GREM2: variants seen among roughly 807,000 people sequenced by gnomAD.
GREM2 encodes the protein gremlin 2, DAN family BMP antagonist.
GREM2 carries 11 observed loss-of-function variants against 14.2 expected under a neutral mutation model. The observed-to-expected ratio is 0.78, with a 90% confidence interval of 0.49 to 1.28. The LOEUF is 1.28. Among genes scored for constraint, GREM2 ranks in the 50% most tolerant of loss-of-function variants. The pLI, the probability that GREM2 is intolerant of heterozygous loss-of-function variation, is 0.00. For missense variants in GREM2, 210 were observed against 218.5 expected (o/e 0.96, Z 0.24); for synonymous variants, 98 against 97.6 (o/e 1.00, Z -0.02).
At chr1:240,551,847 C>T (rs73113757) in intron 1 of GREM2, among the ~76,000 whole-genome samples, 1 of 152,040 alleles carries the variant, frequency 6.6e-6, no homozygotes, top group African/African-American at 2.4e-5. Context: ...GAGGAGGAAC[C>T]TCAGAAAGTC....
intron 1 of GREM2, among the ~76,000 whole-genome samples, chr1:240,513,348 G>T (rs1249297425): frequency 6.6e-6 from 1 of 152,066 alleles, no homozygotes; most frequent in Non-Finnish European, 1.5e-5. Flanking sequence ...AGACCGAGGC[G>T]GGCGGATCGC....
chr1:240,534,604 A>G (rs1342360005), intron 1 of GREM2, among the ~76,000 whole-genome samples: 1 of 152,098 alleles, frequency 6.6e-6, no homozygotes, highest in African/African-American at 2.4e-5. Flanking sequence ...GAGGCAGGAG[A>G]ATCACTTGAA....
chr1:240,548,662 T>C (rs1678785561), intron 1 of GREM2, among the ~76,000 whole-genome samples: 1 of 152,090 alleles, frequency 6.6e-6, no homozygotes, highest in Non-Finnish European at 1.5e-5. Context: ...CAGATAAAGA[T>C]AAAGAGTGAG....
At chr1:240,573,337 A>T (rs1316329554) in intron 1 of GREM2, among the ~76,000 whole-genome samples, 1 of 151,976 alleles carries the variant, frequency 6.6e-6, no homozygotes, top group African/African-American at 2.4e-5. Context: ...AAAAAACATC[A>T]CAATCGTAAA....
chr1:240,596,956 C>G (rs1475123080), intron 1 of GREM2, among the ~76,000 whole-genome samples: 1 of 152,154 alleles, frequency 6.6e-6, no homozygotes, highest in African/African-American at 2.4e-5. Context: ...GGCCAGTGCA[C>G]AAGTAAATAA....
At chr1:240,571,335 G>C (rs1218879955) in intron 1 of GREM2, among the ~76,000 whole-genome samples, 2 of 152,132 alleles carry the variant, frequency 1.3e-5, no homozygotes, top group Non-Finnish European at 2.9e-5. Context: ...GTTTGAATTG[G>C]CCAATTTCTA....
chr1:240,574,415 C>G (rs978249783), intron 1 of GREM2, among the ~76,000 whole-genome samples: 1 of 152,040 alleles, frequency 6.6e-6, no homozygotes, highest in African/African-American at 2.4e-5. Context: ...ATGACCTCAC[C>G]TATTTATTTA....
chr1:240,505,686 T>G (rs764220848), intron 1 of GREM2, among the ~76,000 whole-genome samples: 31 of 151,934 alleles, frequency 2.0e-4, no homozygotes, highest in Non-Finnish European at 3.4e-4. Flanking sequence ...AATACTTTAA[T>G]GTGACCACAT....
chr1:240,593,926 G>T (rs755520945), intron 1 of GREM2, among the ~76,000 whole-genome samples: 7 of 151,588 alleles, frequency 4.6e-5, no homozygotes, highest in Non-Finnish European at 1.0e-4. Context: ...GTCCAGTTTG[G>T]GTGATTTATT....
At chr1:240,580,282 T>G (rs531097538) in intron 1 of GREM2, among the ~76,000 whole-genome samples, 2 of 152,192 alleles carry the variant, frequency 1.3e-5, no homozygotes, top group African/African-American at 4.8e-5. Flanking sequence ...TCCTGAAGTA[T>G]TTCACAGTAG....
chr1:240,562,699 C>A (rs1242202358), intron 1 of GREM2, among the ~76,000 whole-genome samples: 1 of 146,892 alleles, frequency 6.8e-6, no homozygotes, highest in East Asian at 2.0e-4. Context: ...TGGGGCACTA[C>A]AGGATTGCCG....
chr1:240,535,414 G>C (rs1227239886), intron 1 of GREM2, among the ~76,000 whole-genome samples: 2 of 152,096 alleles, frequency 1.3e-5, no homozygotes, highest in African/African-American at 2.4e-5. Flanking sequence ...TTGTAAAGAA[G>C]AAAGATAGTA....
At chr1:240,553,043 A>G (rs1678885957) in intron 1 of GREM2, among the ~76,000 whole-genome samples, 1 of 152,158 alleles carries the variant, frequency 6.6e-6, no homozygotes, top group Admixed American at 6.5e-5. Context: ...GAAACTCTGT[A>G]TTGGAAATTG....
rs367923297 is a variant in GREM2, at chr1:240,493,392, G to T, written c.84C>A (p.Gly28=). The T allele has an allele frequency of 7.6e-5, 122 of 1,612,610 alleles. No individual in the cohort carries two copies. The highest frequency in any genetic ancestry group is 1.7e-4 in the Admixed American group (10 of 59,888). Residue 28 remains glycine (G), a synonymous_variant, in exon 2 of 2, where the codon GGC becomes GGA. Transcript: ENST00000318160. ...VAEARKNRPA[G]AIPSPYKDGS... is the part of the protein sequence containing the mutation. The stretch of plus-strand genomic sequence containing the variant: ...CGTCCTTGTAAGGCGAGGGGATGGC[G>T]CCCGCCGGCCGGTTCTTCCGGGCTT...
chr1:240,591,913 G>A (rs550497964), intron 1 of GREM2, among the ~76,000 whole-genome samples: 1 of 152,256 alleles, frequency 6.6e-6, no homozygotes, highest in Admixed American at 6.5e-5. Flanking sequence ...TTCTACTGTA[G>A]GATGAAGTTT....
intron 1 of GREM2, among the ~76,000 whole-genome samples, chr1:240,526,606 T>G (rs1172817640): frequency 6.6e-6 from 1 of 152,228 alleles, no homozygotes; most frequent in Non-Finnish European, 1.5e-5. Context: ...GATTTAAATA[T>G]TCTATTACTG....
chr1:240,610,496 T>A (rs1339212747), intron 1 of GREM2, among the ~76,000 whole-genome samples: 1 of 152,186 alleles, frequency 6.6e-6, no homozygotes, highest in African/African-American at 2.4e-5. Flanking sequence ...CATGTTCATC[T>A]GATAAGAAAC....
At chr1:240,516,317 C>G (rs868480958) in intron 1 of GREM2, among the ~76,000 whole-genome samples, 3 of 151,978 alleles carry the variant, frequency 2.0e-5, no homozygotes, top group African/African-American at 7.3e-5. Context: ...TTAGGTCAGA[C>G]CTGCACATTC....
chr1:240,515,571 T>A (rs1036516846), intron 1 of GREM2, among the ~76,000 whole-genome samples: 4 of 152,204 alleles, frequency 2.6e-5, no homozygotes, highest in African/African-American at 9.6e-5. Context: ...GAGGGCACTT[T>A]TGAGATTACA....
Sources: gnomAD v4.1 joint callset for allele counts (sites outside exome capture counted in the v4.1 genomes callset) on GRCh38, gnomAD v4.1.1 for gene constraint, MANE v1.5 for transcripts, NCBI Gene and HGNC (gene_info 2026-07-23, HGNC 2026-07-21) for gene names.